Variants in UBLCP1 observed in about 807,000 individuals in gnomAD.
The protein encoded by UBLCP1 is ubiquitin like domain containing CTD phosphatase 1, also known as ubiquitin-like domain-containing CTD phosphatase 1.
In UBLCP1, 28 loss-of-function variants were observed where a neutral mutation model predicts 42.4. The ratio of observed to expected loss-of-function variants is 0.66; its 90% CI spans 0.49 to 0.90. The LOEUF (loss-of-function observed/expected upper bound fraction) is 0.90. Among genes scored for constraint, UBLCP1 ranks in the 40% least tolerant of loss-of-function variants. The pLI is 0.00. For synonymous variants in UBLCP1, 122 were observed against 120.8 expected (o/e 1.01, Z -0.07); for missense variants, 279 against 374.5 (o/e 0.75, Z 2.10).
chr5:159,275,177 T>G lies in UBLCP1; in HGVS notation c.615T>G (p.Tyr205Ter). The G allele has an allele frequency of 6.2e-7, 1 of 1,613,404 alleles. No homozygotes were observed. The highest frequency in any genetic ancestry group is 8.5e-7 in the Non-Finnish European group (1 of 1,179,800). ...KELGVSTNAN[Y>*]KITFMLDSAA... is the part of the protein sequence containing the mutation. ...TGGGAGTGAGCACAAATGCAAATTA[T>G]AAGATTACTTTCATGTTGGATAGTG... The change falls in exon 8 of 11, where the codon TAT (tyrosine) becomes TAG (stop). Residue 205 changes from tyrosine to a stop codon, truncating the protein, a stop_gained. Coordinates refer to ENST00000296786, the MANE Select transcript of UBLCP1 (RefSeq NM_145049.5). LOFTEE classifies it high-confidence loss of function.
intron 5 of UBLCP1, among the ~76,000 whole-genome samples, chr5:159,271,404 G>A (rs761402707): frequency 2.6e-4 from 40 of 152,170 alleles, no homozygotes; most frequent in Non-Finnish European, 4.7e-4. Context: ...ACTGCAGTGA[G>A]CTATGGAGTG....
chr5:159,265,372 A>T (rs1210575738), intron 1 of UBLCP1, among the ~76,000 whole-genome samples: 1 of 152,236 alleles, frequency 6.6e-6, no homozygotes, highest in East Asian at 1.9e-4. Flanking sequence ...TAGAAAATCC[A>T]GTTCTCTGGA....
At position 159,285,283 on chromosome 5, in the gene UBLCP1, G is replaced by A. The variant is rs1753663289; in HGVS notation, c.*352G>A. 1 of 170,990 alleles carries A rather than the reference G, an allele frequency of 5.8e-6. No individual in the cohort carries two copies. 10.6% of individuals were successfully genotyped at this position (170,990 alleles called of 1,614,324 possible). A position where few individuals can be genotyped will look rare whatever the true frequency, so the allele number is the denominator to read the frequency against. The stretch of plus-strand genomic sequence containing the variant: ...TGTATACTCAACAATGTCATTTTGT[G>A]ACTTTGGAAACAAGTTATGTTTTGT... On this transcript the variant is annotated 3_prime_UTR_variant, in exon 11 of 11. Transcript: ENST00000296786.
At chr5:159,275,067 GA>G (rs1477881904) in intron 7 of UBLCP1, 80 bp from the exon 8 acceptor site, 18 of 1,246,182 alleles carry the variant, frequency 1.4e-5, no homozygotes, top group Non-Finnish European at 2.1e-5. Flanking sequence ...GGCATTATGA[GA>G]AATTGCAGCT....
rs1753662815 is a variant in UBLCP1 at position 159,285,253 on chromosome 5, A to G, written c.*322A>G. The G allele has an allele frequency of 4.4e-6, 1 of 228,162 alleles. No homozygotes were observed. Among genetic ancestry groups the G allele is most frequent in the African/African-American group, 2.4e-5 (1 of 42,372 alleles). The allele number at this position is 228,162 out of a possible 1,614,324, so 14.1% of individuals were successfully genotyped here. On this transcript the variant is annotated 3_prime_UTR_variant, in exon 11 of 11. Coordinates refer to ENST00000296786, the MANE Select transcript of UBLCP1 (RefSeq NM_145049.5). The stretch of plus-strand genomic sequence containing the variant: ...ACACACACACACACACAAAGTGGAG[A>G]AAAATGTATACTCAACAATGTCATT...
chr5:159,268,346 C>T (rs147077133), intron 1 of UBLCP1, among the ~76,000 whole-genome samples: 6 of 152,190 alleles, frequency 3.9e-5, no homozygotes, highest in Non-Finnish European at 8.8e-5. Context: ...AGTTAATCCT[C>T]ATAAAAGCCC....
At chr5:159,266,144 A>C (rs1026926268) in intron 1 of UBLCP1, among the ~76,000 whole-genome samples, 3 of 152,184 alleles carry the variant, frequency 2.0e-5, no homozygotes, top group Non-Finnish European at 4.4e-5. Context: ...AAGACAGGAA[A>C]ATGTGGGAAA....
chr5:159,266,519 A>G (rs543866703), intron 1 of UBLCP1, among the ~76,000 whole-genome samples: 50 of 152,316 alleles, frequency 3.3e-4, no homozygotes, highest in Non-Finnish European at 6.2e-4. Flanking sequence ...AGAAAAACGC[A>G]TTTTCTGTGG....
chr5:159,272,410 AT>A (rs879932057), intron 6 of UBLCP1, among the ~76,000 whole-genome samples: 599 of 143,398 alleles, frequency 4.2e-3, no homozygotes, highest in Admixed American at 4.5e-3. Flanking sequence ...TTTCCTTCTG[AT>A]TTTTTTTTTT....
chr5:159,271,155 T>G (rs1226046348), intron 5 of UBLCP1, among the ~76,000 whole-genome samples: 5 of 152,168 alleles, frequency 3.3e-5, no homozygotes, highest in African/African-American at 1.2e-4. Context: ...TCAAGCAGAT[T>G]CTTGAATTTA....
chr5:159,285,194 C>CA lies in UBLCP1; in HGVS notation c.*264dup, dbSNP rs1753657891. 2.8e-6 allele frequency: 1 copy of CA among 359,250 alleles called. No individual in the cohort carries two copies. 22.3% of individuals were successfully genotyped at this position (359,250 alleles called of 1,614,324 possible). On this transcript the variant is annotated 3_prime_UTR_variant, in exon 11 of 11. Transcript: ENST00000296786. ...TTGGTTACTGACCACCCCACCCTCCCACCACACACACACACACACACACAC... is the reference window on the plus strand; with the variant it reads ...TTGGTTACTGACCACCCCACCCTCCCAACCACACACACACACACACACACAC...
chr5:159,263,755 A>G (rs1295086341), intron 1 of UBLCP1, among the ~76,000 whole-genome samples: 1 of 152,118 alleles, frequency 6.6e-6, no homozygotes, highest in East Asian at 1.9e-4. Flanking sequence ...ACCACCTCGC[A>G]GTTGTTGCTG....
In UBLCP1 at chr5:159,275,277, C is replaced by T. The variant is rs746907254; in HGVS notation, c.684+31C>T. On this transcript the variant is annotated intron_variant, in intron 8 of 10. Coordinates refer to ENST00000296786, the MANE Select transcript of UBLCP1 (RefSeq NM_145049.5). Reference sequence around the variant, plus strand: ...AAGTCATTTTATTTCTATTTAATGACACCATGGTTATTTTCCAGTGTACTT... The same window carrying T: ...AAGTCATTTTATTTCTATTTAATGATACCATGGTTATTTTCCAGTGTACTT... 18 of 1,546,778 alleles carry T rather than the reference C, an allele frequency of 1.2e-5. No individual in the cohort carries two copies. In the African/African-American group the frequency reaches 2.5e-4, roughly 21 times the overall value.
At chr5:159,268,762 C>A in intron 1 of UBLCP1, 108 bp from the exon 2 acceptor site, 1 of 766,372 alleles carries the variant, frequency 1.3e-6, no homozygotes, top group Non-Finnish European at 2.0e-6. Context: ...AAAATCCTCT[C>A]TATCATAAGT....
Position 159,285,097 on chromosome 5 carries a change from T to C in UBLCP1, c.*166T>C. The stretch of plus-strand genomic sequence containing the variant: ...TTAATTTTATATTTTTTGAAGATGA[T>C]AGCAATATGCTAAAAAATGCTTGTC... On this transcript the variant is annotated 3_prime_UTR_variant, in exon 11 of 11. Transcript: ENST00000296786. The C allele has an allele frequency of 1.6e-6, 1 of 628,076 alleles. No individual in the cohort carries two copies. Among genetic ancestry groups the C allele is most frequent in the Non-Finnish European group, 2.7e-6 (1 of 368,844 alleles). The allele number at this position is 628,076 out of a possible 1,614,324, so 38.9% of individuals were successfully genotyped here.
chr5:159,267,214 C>G (rs1382412902), intron 1 of UBLCP1, among the ~76,000 whole-genome samples: 2 of 152,182 alleles, frequency 1.3e-5, no homozygotes, highest in African/African-American at 4.8e-5. Context: ...CTATCCAAGA[C>G]CATAGGAACC....
chr5:159,283,780 A>G (rs561822184), intron 10 of UBLCP1, among the ~76,000 whole-genome samples: 2 of 152,264 alleles, frequency 1.3e-5, no homozygotes, highest in East Asian at 3.9e-4. Flanking sequence ...AGAAATTAGA[A>G]AAGTTTATCC....
At chr5:159,278,809 G>C (rs1256205986) in intron 9 of UBLCP1, among the ~76,000 whole-genome samples, 3 of 152,054 alleles carry the variant, frequency 2.0e-5, no homozygotes, top group African/African-American at 7.2e-5. Flanking sequence ...CTGTCCTCGT[G>C]ATCTGCCCAC....
intron 8 of UBLCP1, 98 bp from the exon 9 acceptor site, chr5:159,278,140 T>G (rs1307356850): frequency 2.6e-6 from 2 of 774,570 alleles, no homozygotes; most frequent in Non-Finnish European, 4.4e-6. Context: ...AAAGGAACAC[T>G]TTGGCATTGT....
Sources: allele counts gnomAD v4.1 joint callset (sites outside exome capture counted in the v4.1 genomes callset), GRCh38; gene constraint gnomAD v4.1.1; transcripts MANE v1.5; gene names NCBI Gene and HGNC (gene_info 2026-07-23, HGNC 2026-07-21).